GPC4: variants seen among roughly 807,000 people sequenced by gnomAD.
The protein encoded by GPC4 is glypican 4, also known as glypican-4.
GPC4 carries 10 observed loss-of-function variants against 35.0 expected under a neutral mutation model. The ratio of observed to expected loss-of-function variants is 0.29; its 90% CI spans 0.18 to 0.48. The LOEUF (loss-of-function observed/expected upper bound fraction) is 0.48. GPC4 is among the 20% of genes least tolerant of loss of function. GPC4 has a pLI of 0.99. For missense variants in GPC4, 322 were observed against 451.3 expected, an observed-to-expected ratio of 0.71 and a Z score of 2.60; for synonymous variants, 167 against 170.2, an observed-to-expected ratio of 0.98 and a Z score of 0.15.
At chrX:133,319,519 G>A (rs2068355045) in intron 3 of GPC4, among the ~76,000 whole-genome samples, 1 of 106,010 alleles carries the variant, frequency 9.4e-6, no homozygotes, top group African/African-American at 3.5e-5. Flanking sequence ...GGTGGCTGAT[G>A]GGGTGGCTCT....
At chrX:133,387,385 C>G (rs1162692727) in intron 1 of GPC4, among the ~76,000 whole-genome samples, 3 of 106,931 alleles carry the variant, frequency 2.8e-5, no homozygotes, top group African/African-American at 1.0e-4. Context: ...AGAATGTAAA[C>G]AGTAGAGAAT....
chrX:133,314,485 T>C, intron 3 of GPC4, among the ~76,000 whole-genome samples: 1 of 111,618 alleles, frequency 9.0e-6, no homozygotes, highest in Non-Finnish European at 1.9e-5. Flanking sequence ...TCCATTTCAT[T>C]ATTTGGCTAA....
intron 1 of GPC4, among the ~76,000 whole-genome samples, chrX:133,357,010 G>T (rs956214730): frequency 9.0e-6 from 1 of 111,313 alleles, no homozygotes; most frequent in Non-Finnish European, 1.9e-5. Context: ...AGGTAGGGAG[G>T]CATCATGTTA....
Position 133,311,291 on chromosome X carries a change from C to T in GPC4, c.844G>A (p.Gly282Arg), listed in dbSNP as rs781714136. ...TTGTTCCATTCAAAATCGAGATCCC[C>T]TTGGTTGGCCAAACAGCCTCTCATG... Reference protein sequence around the residue: ...NIMRGCLANQGDLDFEWNNFI... With the variant: ...NIMRGCLANQRDLDFEWNNFI... Residue 282 changes from glycine to arginine, a missense_variant, in exon 4 of 9, where the codon GGG (glycine) becomes AGG (arginine). Gly to Arg is a moderately radical substitution (Grantham distance 125, BLOSUM62 -2). Around this residue, in one of 3 missense-constraint regions of GPC4, gnomAD observed 163 missense variants for 277.2 expected, o/e 0.59. Coordinates refer to ENST00000370828, the MANE Select transcript of GPC4 (RefSeq NM_001448.3). 1.7e-6 allele frequency: 2 copies of T among 1,210,273 alleles called. No individual in the cohort carries two copies. Among genetic ancestry groups the T allele is most frequent in the Non-Finnish European group, 2.2e-6 (2 of 895,220 alleles).
At chrX:133,390,071 G>A (rs1490780620) in intron 1 of GPC4, among the ~76,000 whole-genome samples, 1 of 110,542 alleles carries the variant, frequency 9.0e-6, no homozygotes, top group African/African-American at 3.3e-5. Flanking sequence ...TTCCCAGTGC[G>A]CAACTTCAAG....
chrX:133,404,528 T>G (rs1449724616), intron 1 of GPC4, among the ~76,000 whole-genome samples: 2 of 62,705 alleles, frequency 3.2e-5, no homozygotes, highest in Non-Finnish European at 5.3e-5. Context: ...GCCTGGGCAA[T>G]AGAGCAAGAC....
At chrX:133,386,805 A>T in intron 1 of GPC4, among the ~76,000 whole-genome samples, 1 of 112,142 alleles carries the variant, frequency 8.9e-6, no homozygotes, top group East Asian at 2.8e-4. Context: ...GACAAAAGCC[A>T]ATTTTATGCA....
chrX:133,351,853 C>T (rs1266554845), intron 1 of GPC4, among the ~76,000 whole-genome samples: 1 of 112,245 alleles, frequency 8.9e-6, no homozygotes, highest in African/African-American at 3.2e-5. Context: ...TGATTCACTT[C>T]TCCCAAACTA....
intron 1 of GPC4, among the ~76,000 whole-genome samples, chrX:133,395,611 G>A (rs1315685599): frequency 4.5e-5 from 5 of 111,801 alleles, no homozygotes; most frequent in Admixed American, 2.9e-4. Context: ...GCAACAGAGT[G>A]AGACTCCATC....
intron 1 of GPC4, among the ~76,000 whole-genome samples, chrX:133,403,724 C>G (rs1300021155): frequency 9.4e-6 from 1 of 106,382 alleles, no homozygotes; most frequent in Non-Finnish European, 1.9e-5. Flanking sequence ...TTGACAGAGT[C>G]TCACTCTGTC....
At position 133,302,820 on chromosome X, in the gene GPC4, G is replaced by T; in HGVS notation, c.*47C>A. 1 of 1,127,597 alleles carries T rather than the reference G, an allele frequency of 8.9e-7. No individual in the cohort carries two copies. Among genetic ancestry groups the T allele is most frequent in the Non-Finnish European group, 1.2e-6 (1 of 822,070 alleles). 92.9% of individuals were successfully genotyped at this position (1,127,597 alleles called of 1,213,427 possible). On this transcript the variant is annotated 3_prime_UTR_variant, in exon 9 of 9. Transcript: ENST00000370828. ...CTAGGATGGTAGAAAAGTGATAACTGGTGCCTTTTAACTTTTTGATGAACA... is the reference window on the plus strand; with the variant it reads ...CTAGGATGGTAGAAAAGTGATAACTTGTGCCTTTTAACTTTTTGATGAACA...
At chrX:133,307,730 T>C (rs1458012614) in intron 4 of GPC4, among the ~76,000 whole-genome samples, 1 of 111,497 alleles carries the variant, frequency 9.0e-6, no homozygotes, top group Non-Finnish European at 1.9e-5. Flanking sequence ...AATCACCTGC[T>C]CCCAATAAAA....
In GPC4 at chrX:133,415,035, G is replaced by A. The variant is rs1439704552; in HGVS notation, c.-70C>T. The A allele has an allele frequency of 1.9e-6, 2 of 1,075,630 alleles. No homozygotes were observed. The highest frequency in any genetic ancestry group is 2.5e-6 in the Non-Finnish European group (2 of 793,491). 88.6% of individuals were successfully genotyped at this position (1,075,630 alleles called of 1,213,427 possible). ...GGAAGCGGCGCTACGGCAGCGGGCC[G>A]AGGGCTGGCGGAGTCGGGGACTAGC... On this transcript the variant is annotated 5_prime_UTR_variant, in exon 1 of 9. Coordinates refer to ENST00000370828, the MANE Select transcript of GPC4 (RefSeq NM_001448.3).
chrX:133,358,077 A>T (rs1043987339), intron 1 of GPC4, among the ~76,000 whole-genome samples: 1 of 112,458 alleles, frequency 8.9e-6, no homozygotes, highest in Admixed American at 9.4e-5. Flanking sequence ...ATAAAAATTC[A>T]GGCTACAACC....
intron 1 of GPC4, among the ~76,000 whole-genome samples, chrX:133,402,537 GAGA>G (rs952833070): frequency 7.1e-5 from 8 of 112,109 alleles, no homozygotes; most frequent in Non-Finnish European, 3.8e-5. Context: ...AAACCTCCAG[GAGA>G]AGAAGACGGA....
intron 7 of GPC4, among the ~76,000 whole-genome samples, chrX:133,303,752 T>G (rs964931340): frequency 1.8e-5 from 2 of 110,416 alleles, no homozygotes; most frequent in African/African-American, 6.6e-5. Flanking sequence ...CTCAGGAAGC[T>G]GACACAGGAG....
chrX:133,382,784 G>T (rs189991070), intron 1 of GPC4, among the ~76,000 whole-genome samples: 7 of 112,734 alleles, frequency 6.2e-5, no homozygotes, highest in African/African-American at 2.3e-4. Flanking sequence ...AGGTCTCAGC[G>T]AACTCGTCAC....
intron 3 of GPC4, among the ~76,000 whole-genome samples, chrX:133,319,072 A>G (rs770447995): frequency 5.3e-5 from 6 of 112,242 alleles, no homozygotes; most frequent in African/African-American, 1.3e-4. Flanking sequence ...TAAACTGGAC[A>G]TCCACTCACG....
chrX:133,351,501 C>T (rs1333155373), intron 1 of GPC4, among the ~76,000 whole-genome samples: 3 of 110,302 alleles, frequency 2.7e-5, no homozygotes, highest in Non-Finnish European at 5.7e-5. Flanking sequence ...CCTTATTTAA[C>T]GAAGTTGCCT....
Sources: allele counts gnomAD v4.1 joint callset (sites outside exome capture counted in the v4.1 genomes callset), GRCh38; gene constraint gnomAD v4.1.1; regional missense constraint gnomAD v4.1.1; transcripts MANE v1.5; gene names NCBI Gene and HGNC (gene_info 2026-07-23, HGNC 2026-07-21).